ARHGAP26: variants seen among roughly 807,000 people sequenced by gnomAD.
ARHGAP26 encodes the protein Rho GTPase activating protein 26, also known as rho GTPase-activating protein 26.
A neutral mutation model predicts 104.8 loss-of-function variants in ARHGAP26; 38 were observed. The ratio of observed to expected loss-of-function variants is 0.36; its 90% CI spans 0.28 to 0.48. The LOEUF is 0.48. ARHGAP26 is among the 20% of genes least tolerant of loss of function. The probability of loss-of-function intolerance (pLI) is 0.99; values close to 1 mark genes in which losing one functional copy is unlikely to be tolerated. For synonymous variants in ARHGAP26, 341 were observed against 340.0 expected, an observed-to-expected ratio of 1.00 and a Z score of -0.03; for missense variants, 704 against 947.9, an observed-to-expected ratio of 0.74 and a Z score of 3.38.
At position 142,913,276 on chromosome 5, in the gene ARHGAP26, T is replaced by C. The variant is rs1762069705; in HGVS notation, c.1011T>C (p.Asp337=). 1.9e-6 allele frequency: 3 copies of C among 1,614,040 alleles called. No individual in the cohort carries two copies. Among genetic ancestry groups the C allele is most frequent in the Non-Finnish European group, 2.5e-6 (3 of 1,179,978 alleles). ...CCATTGAGAAGAGGTTTTGCTTTGATGTGGAAGCAGTAGACAGGTGAGTAG... is the reference window on the plus strand; with the variant it reads ...CCATTGAGAAGAGGTTTTGCTTTGACGTGGAAGCAGTAGACAGGTGAGTAG... ...TDSIEKRFCF[D]VEAVDRPGVI... The change falls in exon 10 of 23, where the codon GAT becomes GAC. Residue 337 remains aspartate (D), a synonymous_variant. Transcript: ENST00000645722.
At chr5:143,091,161 G>A (rs1791370313) in intron 17 of ARHGAP26, among the ~76,000 whole-genome samples, 1 of 152,180 alleles carries the variant, frequency 6.6e-6, no homozygotes, top group African/African-American at 2.4e-5. Context: ...GACTCTGGAG[G>A]GGGCGGCGCT....
chr5:142,822,482 C>A (rs952917373), intron 1 of ARHGAP26, among the ~76,000 whole-genome samples: 5 of 152,054 alleles, frequency 3.3e-5, no homozygotes, highest in African/African-American at 1.2e-4. Flanking sequence ...AGGGTTAAAT[C>A]TCGGTATAAT....
intron 1 of ARHGAP26, among the ~76,000 whole-genome samples, chr5:142,810,867 A>T (rs534733848): frequency 6.6e-6 from 1 of 152,228 alleles, no homozygotes; most frequent in African/African-American, 2.4e-5. Context: ...TTTGTGTCCT[A>T]CATAAAGCGA....
At chr5:142,794,112 A>C (rs1451584778) in intron 1 of ARHGAP26, among the ~76,000 whole-genome samples, 1 of 151,830 alleles carries the variant, frequency 6.6e-6, no homozygotes, top group Non-Finnish European at 1.5e-5. Flanking sequence ...GCATCTCTCA[A>C]CTCCACTCTT....
At chr5:143,099,750 G>A (rs971420880) in intron 17 of ARHGAP26, among the ~76,000 whole-genome samples, 2 of 152,148 alleles carry the variant, frequency 1.3e-5, no homozygotes, top group South Asian at 2.1e-4. Flanking sequence ...TGGCAATAGC[G>A]GGAAGCAATG....
chr5:142,937,664 A>G (rs1027016624), intron 11 of ARHGAP26, among the ~76,000 whole-genome samples: 2 of 152,190 alleles, frequency 1.3e-5, no homozygotes, highest in African/African-American at 4.8e-5. Flanking sequence ...TAATGGGTGA[A>G]TGGTTAAACA....
chr5:143,063,514 C>G (rs951634492), intron 17 of ARHGAP26, among the ~76,000 whole-genome samples: 6 of 152,184 alleles, frequency 3.9e-5, no homozygotes, highest in Non-Finnish European at 8.8e-5. Context: ...CTGTCTGGAC[C>G]AGACGTTTTT....
At chr5:143,075,760 G>A (rs966936574) in intron 17 of ARHGAP26, among the ~76,000 whole-genome samples, 1 of 147,910 alleles carries the variant, frequency 6.8e-6, no homozygotes, top group African/African-American at 2.5e-5. Context: ...GTGCAGTGGC[G>A]TGATCTGAGC....
At position 142,824,407 on chromosome 5, in the gene ARHGAP26, TG is replaced by T. The variant is rs111588214; in HGVS notation, c.155-48992del. ...CTAAGACAGGACAGAGCTGGAAGTG[TG>T]TGGTCCCCAAGGCTCAGTACTTACT... On this transcript the variant is annotated intron_variant, in intron 1 of 22. Coordinates refer to ENST00000645722, the MANE Select transcript of ARHGAP26 (RefSeq NM_001135608.3). Among the ~76,000 whole-genome samples, 930 of 152,256 alleles carry T rather than the reference TG, an allele frequency of 6.1e-3. 8 individuals are homozygous for T. The highest frequency in any genetic ancestry group is 0.021 in the African/African-American group (888 of 41,528).
intron 17 of ARHGAP26, among the ~76,000 whole-genome samples, chr5:143,065,989 A>G (rs1404498453): frequency 1.3e-5 from 2 of 152,194 alleles, no homozygotes; most frequent in East Asian, 3.8e-4. Context: ...TCATTCCCCC[A>G]AGAATCCCCT....
At chr5:142,935,606 T>C (rs1765296588) in intron 11 of ARHGAP26, among the ~76,000 whole-genome samples, 1 of 152,228 alleles carries the variant, frequency 6.6e-6, no homozygotes, top group Admixed American at 6.5e-5. Context: ...GAAAGTTCTT[T>C]AATTGGATTT....
intron 17 of ARHGAP26, among the ~76,000 whole-genome samples, chr5:143,065,839 G>T (rs1787398238): frequency 6.6e-6 from 1 of 152,182 alleles, no homozygotes; most frequent in Admixed American, 6.5e-5. Flanking sequence ...AACTCTGAGG[G>T]GAAAACCTTT....
At chr5:143,184,963 A>C (rs1446817935) in intron 20 of ARHGAP26, among the ~76,000 whole-genome samples, 1 of 152,288 alleles carries the variant, frequency 6.6e-6, no homozygotes, top group Non-Finnish European at 1.5e-5. Flanking sequence ...TATTTATCAG[A>C]AGGAATTAAT....
At chr5:142,854,691 T>TA (rs1752060505) in intron 1 of ARHGAP26, among the ~76,000 whole-genome samples, 1 of 152,228 alleles carries the variant, frequency 6.6e-6, no homozygotes, top group Non-Finnish European at 1.5e-5. Context: ...TGAATTACTT[T>TA]AACTTCGTTA....
chr5:142,912,328 T>C (rs1164033834), intron 9 of ARHGAP26, among the ~76,000 whole-genome samples: 5 of 152,210 alleles, frequency 3.3e-5, no homozygotes, highest in East Asian at 1.9e-4. Context: ...TACTGTGTAG[T>C]TCCATTTATA....
intron 4 of ARHGAP26, among the ~76,000 whole-genome samples, chr5:142,879,679 C>T (rs556542164): frequency 6.6e-6 from 1 of 152,306 alleles, no homozygotes; most frequent in East Asian, 1.9e-4. Context: ...ATTTTGTTAC[C>T]TCATTGTTCT....
chr5:142,815,742 G>T (rs569812062), intron 1 of ARHGAP26, among the ~76,000 whole-genome samples: 1 of 152,032 alleles, frequency 6.6e-6, no homozygotes, highest in African/African-American at 2.4e-5. Flanking sequence ...AGACTCATTC[G>T]AGCCTCACTT....
chr5:143,219,695 C>T (rs1001807017), intron 22 of ARHGAP26, among the ~76,000 whole-genome samples: 13 of 152,200 alleles, frequency 8.5e-5, no homozygotes, highest in Non-Finnish European at 1.8e-4. Flanking sequence ...TGCATTTTAT[C>T]TCAGAGGCAT....
In ARHGAP26 at chr5:142,862,732, A is replaced by G. The variant is rs79074406; in HGVS notation, c.155-10668A>G. 7.1e-3 allele frequency among the ~76,000 whole-genome samples: 1,088 copies of G among 152,192 alleles called. 11 individuals are homozygous for G. Among genetic ancestry groups the G allele is most frequent in the African/African-American group, 0.025 (1,018 of 41,508 alleles). On this transcript the variant is annotated intron_variant, in intron 1 of 22. Coordinates refer to ENST00000645722, the MANE Select transcript of ARHGAP26 (RefSeq NM_001135608.3). Reference sequence around the variant, plus strand: ...TCTCTGGCTCTTTGTCCTGAATTCCATTTATTGGCAAGGCCTTTCTTTTAC... The same window carrying G: ...TCTCTGGCTCTTTGTCCTGAATTCCGTTTATTGGCAAGGCCTTTCTTTTAC...
Sources: allele counts gnomAD v4.1 joint callset (sites outside exome capture counted in the v4.1 genomes callset), GRCh38; gene constraint gnomAD v4.1.1; transcripts MANE v1.5; gene names NCBI Gene and HGNC (gene_info 2026-07-23, HGNC 2026-07-21).